Variants in SAMMSON observed in about 807,000 individuals in gnomAD.
SAMMSON encodes the protein long intergenic non-protein coding RNA 1212.
intron 4 of SAMMSON, among the ~76,000 whole-genome samples, chr3:70,170,158 A>G (rs1018447378): frequency 1.3e-5 from 2 of 151,960 alleles, no homozygotes; most frequent in Non-Finnish European, 2.9e-5. Context: ...AGTTAAATCA[A>G]TACCCAGATT....
At chr3:70,123,570 G>A (rs1448483985) in intron 4 of SAMMSON, among the ~76,000 whole-genome samples, 2 of 152,232 alleles carry the variant, frequency 1.3e-5, no homozygotes, top group South Asian at 2.1e-4. Flanking sequence ...ATGCCCAGCC[G>A]GGTAAGCTAG....
Position 70,275,015 on chromosome 3 carries a change from CA to C in SAMMSON, n.675-16161del, listed in dbSNP as rs201838838. 9.0e-3 allele frequency among the ~76,000 whole-genome samples: 1,369 copies of C among 152,172 alleles called. 23 individuals carry two copies. Among genetic ancestry groups the C allele is most frequent in the African/African-American group, 0.031 (1,284 of 41,518 alleles). On this transcript the variant is annotated intron_variant and non_coding_transcript_variant, in intron 6 of 9. Coordinates refer to ENST00000642114, the Ensembl canonical transcript of SAMMSON. ...TGAAGATTCTCAGAACCTTGTTTCTCAAAGGAAACTACAGAAACTCAAAGGA... is the reference window on the plus strand; with the variant it reads ...TGAAGATTCTCAGAACCTTGTTTCTCAAGGAAACTACAGAAACTCAAAGGA...
chr3:70,239,908 G>A (rs545522721), intron 4 of SAMMSON, among the ~76,000 whole-genome samples: 1 of 152,114 alleles, frequency 6.6e-6, no homozygotes, highest in Admixed American at 6.5e-5. Flanking sequence ...TACTCTTGCG[G>A]ACAAAATATT....
chr3:70,206,519 TG>T (rs1169455634), intron 4 of SAMMSON: 9 of 396,804 alleles, frequency 2.3e-5, no homozygotes, highest in Non-Finnish European at 4.0e-5. Flanking sequence ...TTACAGGGGA[TG>T]GGGGTTGGGA....
chr3:70,118,532 A>T (rs1281556300), intron 4 of SAMMSON, among the ~76,000 whole-genome samples: 1 of 152,174 alleles, frequency 6.6e-6, no homozygotes, highest in Non-Finnish European at 1.5e-5. Flanking sequence ...AAATCTGAAT[A>T]CTGAATTATA....
At chr3:70,402,810 C>T (rs1005560736) in intron 2 of SAMMSON, among the ~76,000 whole-genome samples, 3 of 151,852 alleles carry the variant, frequency 2.0e-5, no homozygotes, top group Non-Finnish European at 4.4e-5. Context: ...TGCAATGAGC[C>T]GAGATTGTAC....
chr3:70,119,177 C>T (rs2067423080), intron 4 of SAMMSON, among the ~76,000 whole-genome samples: 1 of 152,148 alleles, frequency 6.6e-6, no homozygotes, highest in Admixed American at 6.5e-5. Flanking sequence ...AGCAATTCTC[C>T]TACCTCAGCC....
chr3:70,138,092 C>G (rs2106678770), intron 4 of SAMMSON, among the ~76,000 whole-genome samples: 1 of 152,144 alleles, frequency 6.6e-6, no homozygotes, highest in African/African-American at 2.4e-5. Context: ...TTAATAGATA[C>G]AAGAAATTTG....
intron 2 of SAMMSON, among the ~76,000 whole-genome samples, chr3:70,421,491 A>G (rs1414492414): frequency 6.6e-6 from 1 of 152,142 alleles, no homozygotes; most frequent in African/African-American, 2.4e-5. Flanking sequence ...CAGGCTTCCA[A>G]GAGCCTACAA....
chr3:70,418,297 CA>C (rs1353029930), intron 2 of SAMMSON, among the ~76,000 whole-genome samples: 2 of 152,192 alleles, frequency 1.3e-5, no homozygotes, highest in East Asian at 1.9e-4. Flanking sequence ...TCCAGGTAAA[CA>C]AAGTCACCTT....
chr3:70,340,887 G>C (rs1702706424), intron 7 of SAMMSON, among the ~76,000 whole-genome samples: 1 of 151,974 alleles, frequency 6.6e-6, no homozygotes, highest in Admixed American at 6.6e-5. Context: ...GAGTCCTCTT[G>C]GTGAATAATC....
chr3:70,163,999 T>C (rs1000675221), intron 4 of SAMMSON, among the ~76,000 whole-genome samples: 5 of 152,044 alleles, frequency 3.3e-5, no homozygotes, highest in African/African-American at 9.7e-5. Flanking sequence ...AAATTTCTTG[T>C]GGTAACTGGC....
At chr3:70,408,465 C>T (rs1012855685) in intron 2 of SAMMSON, among the ~76,000 whole-genome samples, 11 of 152,186 alleles carry the variant, frequency 7.2e-5, no homozygotes, top group Admixed American at 1.3e-4. Context: ...ATTTCTTCTG[C>T]CAGATATCCT....
chr3:70,250,411 TCACACACACACACACA>T (rs61355248), intron 6 of SAMMSON, among the ~76,000 whole-genome samples: 27 of 124,862 alleles, frequency 2.2e-4, no homozygotes, highest in Admixed American at 3.2e-4. Context: ...TTAATGAATC[TCACACACACACACACA>T]CACACACACA....
chr3:70,094,453 T>C (rs1479391858), intron 4 of SAMMSON, among the ~76,000 whole-genome samples: 1 of 152,154 alleles, frequency 6.6e-6, no homozygotes, highest in Non-Finnish European at 1.5e-5. Flanking sequence ...AAAGACAAAA[T>C]TACTTAATAT....
At chr3:70,420,538 A>G (rs1477826406) in intron 2 of SAMMSON, among the ~76,000 whole-genome samples, 2 of 152,244 alleles carry the variant, frequency 1.3e-5, no homozygotes, top group Non-Finnish European at 2.9e-5. Context: ...ATTTCAATTT[A>G]CATGCAATCT....
chr3:70,306,300 A>T (rs1259388648), intron 7 of SAMMSON, among the ~76,000 whole-genome samples: 1 of 152,094 alleles, frequency 6.6e-6, no homozygotes, highest in Non-Finnish European at 1.5e-5. Flanking sequence ...TTTAGTAAAG[A>T]CGGGGTTTCA....
chr3:70,151,581 C>T (rs2067572001), intron 4 of SAMMSON, among the ~76,000 whole-genome samples: 1 of 152,000 alleles, frequency 6.6e-6, no homozygotes, highest in Non-Finnish European at 1.5e-5. Flanking sequence ...TTGCACTACC[C>T]ATCTTTATGG....
intron 4 of SAMMSON, among the ~76,000 whole-genome samples, chr3:70,170,129 G>A (rs1244149208): frequency 1.3e-5 from 2 of 151,812 alleles, no homozygotes; most frequent in Non-Finnish European, 2.9e-5. Flanking sequence ...GAAGACTACC[G>A]GGAGTTTTAT....
Sources: gnomAD v4.1 joint callset for allele counts (sites outside exome capture counted in the v4.1 genomes callset) on GRCh38, gnomAD v4.1.1 for gene constraint, MANE v1.5 for transcripts, NCBI Gene and HGNC (gene_info 2026-07-23, HGNC 2026-07-21) for gene names.